TAMM41: variants seen among roughly 807,000 people sequenced by gnomAD.
TAMM41 encodes TAM41 mitochondrial translocator assembly and maintenance homolog, also known as phosphatidate cytidylyltransferase, mitochondrial.
TAMM41 carries 36 observed loss-of-function variants against 44.1 expected under a neutral mutation model. The ratio of observed to expected loss-of-function variants is 0.82; its 90% CI spans 0.63 to 1.08. The LOEUF (loss-of-function observed/expected upper bound fraction) is 1.08, where lower values mean the gene tolerates loss of function less well. TAMM41 is among the 50% of genes least tolerant of loss of function. The probability of loss-of-function intolerance (pLI) is 0.00; values close to 1 mark genes in which losing one functional copy is unlikely to be tolerated. For synonymous variants in TAMM41, 164 were observed against 153.1 expected, an observed-to-expected ratio of 1.07 and a Z score of -0.53; for missense variants, 417 against 404.3, an observed-to-expected ratio of 1.03 and a Z score of -0.27.
At chr3:11,764,487 T>TA in the TAMM41 span, among the ~76,000 whole-genome samples, 2 of 60,844 alleles carry the variant, frequency 3.3e-5, no homozygotes, top group Non-Finnish European at 6.5e-5. Flanking sequence ...AATCTTATTC[T>TA]TTTTTTTTTT....
intron 7 of TAMM41, among the ~76,000 whole-genome samples, chr3:11,798,542 A>T (rs1215877153): frequency 6.6e-6 from 1 of 152,130 alleles, no homozygotes; most frequent in East Asian, 1.9e-4. Context: ...AAAAATAACT[A>T]ATGGGTTCTA....
intron 6 of TAMM41, 78 bp downstream of exon 6, chr3:11,809,439 A>G (rs1292638620): frequency 5.8e-6 from 9 of 1,542,146 alleles, no homozygotes; most frequent in Non-Finnish European, 8.0e-6. Flanking sequence ...AAAGGAAGAA[A>G]TAATACATTC....
the TAMM41 span, among the ~76,000 whole-genome samples, chr3:11,763,886 A>G: frequency 8.5e-5 from 13 of 152,354 alleles, no homozygotes; most frequent in East Asian, 3.9e-4. Context: ...AGTGCCAGAA[A>G]CATGAAGGTG....
the TAMM41 span, among the ~76,000 whole-genome samples, chr3:11,747,815 A>G: frequency 3.7e-4 from 57 of 152,184 alleles, 1 homozygote; most frequent in Admixed American, 3.3e-3. Context: ...AAGTTGAAAA[A>G]TATTAGTGGG....
At chr3:11,801,763 A>T (rs2077760682) in intron 7 of TAMM41, among the ~76,000 whole-genome samples, 1 of 152,262 alleles carries the variant, frequency 6.6e-6, no homozygotes, top group East Asian at 1.9e-4. Context: ...AAGATCACAA[A>T]TTAACAACCT....
intron 5 of TAMM41, among the ~76,000 whole-genome samples, chr3:11,813,984 CTG>C (rs1444889460): frequency 7.9e-6 from 1 of 127,192 alleles, no homozygotes; most frequent in Non-Finnish European, 1.7e-5. Flanking sequence ...ACACACACAC[CTG>C]TGTATACACA....
intron 7 of TAMM41, among the ~76,000 whole-genome samples, chr3:11,799,743 A>ACC: frequency 6.6e-6 from 1 of 152,124 alleles, no homozygotes; most frequent in Admixed American, 6.6e-5. Context: ...AGACCCAATG[A>ACC]CCCCCAGGTG....
At chr3:11,727,754 T>G in the TAMM41 span, among the ~76,000 whole-genome samples, 1 of 151,732 alleles carries the variant, frequency 6.6e-6, no homozygotes, top group Non-Finnish European at 1.5e-5. Context: ...CATAAGCCAC[T>G]GTACCTGGCC....
the TAMM41 span, among the ~76,000 whole-genome samples, chr3:11,764,671 T>C: frequency 6.6e-6 from 1 of 151,580 alleles, no homozygotes; most frequent in East Asian, 2.0e-4. Flanking sequence ...TTTTTGTATT[T>C]TTAGTAGAGA....
the TAMM41 span, among the ~76,000 whole-genome samples, chr3:11,757,722 T>G: frequency 1.1e-4 from 17 of 152,338 alleles, no homozygotes; most frequent in African/African-American, 3.8e-4. Context: ...TTGCTCTGAT[T>G]CTGCGATTTA....
At chr3:11,770,241 C>T in the TAMM41 span, among the ~76,000 whole-genome samples, 2 of 152,158 alleles carry the variant, frequency 1.3e-5, no homozygotes, top group Admixed American at 6.5e-5. Flanking sequence ...GTGGACTGCT[C>T]ATCAGTCAGT....
intron 7 of TAMM41, among the ~76,000 whole-genome samples, chr3:11,795,777 T>C (rs2077590438): frequency 6.6e-6 from 1 of 152,210 alleles, no homozygotes; most frequent in Non-Finnish European, 1.5e-5. Flanking sequence ...TTAGAAACTT[T>C]ATAAAAGGCT....
chr3:11,739,489 C>T, the TAMM41 span, among the ~76,000 whole-genome samples: 2 of 151,932 alleles, frequency 1.3e-5, no homozygotes, highest in African/African-American at 2.4e-5. Flanking sequence ...CATCTTGCAA[C>T]CATGCAGTGA....
chr3:11,813,879 T>C (rs1311756825), intron 5 of TAMM41, among the ~76,000 whole-genome samples: 1 of 145,286 alleles, frequency 6.9e-6, no homozygotes, highest in Admixed American at 6.8e-5. Flanking sequence ...TATATGTATA[T>C]ATGTATATAT....
chr3:11,771,156 C>T, the TAMM41 span: 1 of 152,364 alleles, frequency 6.6e-6, no homozygotes, highest in Non-Finnish European at 1.5e-5. Context: ...CAGAGCACAG[C>T]CACAGTGGGA....
At chr3:11,801,472 A>G (rs1284191238) in intron 7 of TAMM41, among the ~76,000 whole-genome samples, 1 of 152,040 alleles carries the variant, frequency 6.6e-6, no homozygotes, top group Non-Finnish European at 1.5e-5. Context: ...CTACAGGCAC[A>G]TACCACCATG....
In TAMM41 at chr3:11,846,567, G is replaced by T; in HGVS notation, c.70C>A (p.Leu24Met). Reference sequence around the variant, plus strand: ...GAGCCGTAGACGAAAGCCAGACTCAGCTCCTCGGGGAAGTGAGACAGGATC... The same window carrying T: ...GAGCCGTAGACGAAAGCCAGACTCATCTCCTCGGGGAAGTGAGACAGGATC... ...RKILSHFPEE[L>M]SLAFVYGSGV... Residue 24 changes from leucine to methionine, a missense_variant, in exon 1 of 8, where the codon CTG (leucine) becomes ATG (methionine). Transcript: ENST00000455809. 1 of 1,614,242 alleles carries T rather than the reference G, an allele frequency of 6.2e-7. No homozygotes were observed. The highest frequency in any genetic ancestry group is 8.5e-7 in the Non-Finnish European group (1 of 1,180,042).
intron 4 of TAMM41, among the ~76,000 whole-genome samples, chr3:11,829,015 A>T (rs1170300772): frequency 6.6e-6 from 1 of 152,150 alleles, no homozygotes. Context: ...CTATAGTAAA[A>T]AGATAGATGG....
At chr3:11,785,645 C>T (rs1459033106), downstream of TAMM41, among the ~76,000 whole-genome samples, 3 of 149,898 alleles carry the variant, frequency 2.0e-5, no homozygotes, top group African/African-American at 4.9e-5. Flanking sequence ...GTCAGAGTCT[C>T]GCTCTCTCAC....
Sources: gnomAD v4.1 joint callset for allele counts (sites outside exome capture counted in the v4.1 genomes callset) on GRCh38, gnomAD v4.1.1 for gene constraint, MANE v1.5 for transcripts, NCBI Gene and HGNC (gene_info 2026-07-23, HGNC 2026-07-21) for gene names.